TET1: variants seen among roughly 807,000 people sequenced by gnomAD.
The protein encoded by TET1 is methylcytosine dioxygenase TET1.
In TET1, 13 loss-of-function variants were observed where a neutral mutation model predicts 148.7. The ratio of observed to expected loss-of-function variants is 0.09; its 90% confidence interval spans 0.06 to 0.14. The LOEUF (loss-of-function observed/expected upper bound fraction) is 0.14. Among genes scored for constraint, TET1 ranks in the 10% least tolerant of loss-of-function variants. The pLI is 1.00. For synonymous variants in TET1, 907 were observed against 937.2 expected (o/e 0.97, Z 0.59); for missense variants, 2,182 against 2,553.8 (o/e 0.85, Z 3.14).
chr10:68,691,093 A>G lies in TET1; in HGVS notation c.5690A>G (p.Asp1897Gly), dbSNP rs763895885. Residue 1897 changes from aspartate to glycine, a missense_variant, in exon 12 of 12, where the codon GAT (aspartate) becomes GGT (glycine). Physicochemically the swap from Asp to Gly is moderately conservative, Grantham distance 94 (BLOSUM62 -1). Transcript: ENST00000373644. The surrounding 1 kb of genome is among the most constrained non-coding windows in gnomAD (Gnocchi z 4.4). ...RLSGANAAAADGPGISQLGEV... is the reference protein window; with the variant it reads ...RLSGANAAAAGGPGISQLGEV... ...AGTGGTGCCAATGCAGCTGCTGCTG[A>G]TGGCCCTGGCATTTCACAGCTTGGC... 6.2e-7 allele frequency: 1 copy of G among 1,614,180 alleles called. No individual in the cohort carries two copies. The highest frequency in any genetic ancestry group is 2.2e-5 in the East Asian group (1 of 44,880).
chr10:68,573,394 T>C lies in TET1; in HGVS notation c.1056T>C (p.Thr352=), dbSNP rs1391873518. ...ATCATCAAGAGGCCTTCGAAGCTAC[T>C]GCAAATCAACAGGAAGTTTCTGATA... The part of the protein sequence containing the change: ...KPDHQEAFEA[T]ANQQEVSDTT... Residue 352 remains threonine (T), a synonymous_variant, in exon 2 of 12, where the codon ACT becomes ACC. Transcript: ENST00000373644. The C allele has an allele frequency of 1.9e-6, 3 of 1,614,024 alleles. No individual in the cohort carries two copies. The highest frequency in any genetic ancestry group is 1.3e-5 in the African/African-American group (1 of 74,928).
At chr10:68,636,055 T>C (rs2054645867) in intron 3 of TET1, among the ~76,000 whole-genome samples, 2 of 152,160 alleles carry the variant, frequency 1.3e-5, no homozygotes, top group East Asian at 3.9e-4. Flanking sequence ...CAATTATAAT[T>C]TGGTAGAAGT....
intron 10 of TET1, 151 bp downstream of exon 10, chr10:68,683,124 TAA>T (rs1589133685): frequency 2.1e-6 from 2 of 955,490 alleles, no homozygotes; most frequent in South Asian, 1.9e-5. Flanking sequence ...AAAAAAGAAA[TAA>T]GTGTGTAGTG....
At chr10:68,627,795 G>A (rs1420279523) in intron 3 of TET1, among the ~76,000 whole-genome samples, 1 of 151,434 alleles carries the variant, frequency 6.6e-6, no homozygotes, top group Non-Finnish European at 1.5e-5. Context: ...AATTAGCCAG[G>A]CGTGATGGCA....
chr10:68,580,638 CG>C (rs1156869720), intron 2 of TET1, among the ~76,000 whole-genome samples: 2 of 151,046 alleles, frequency 1.3e-5, no homozygotes, highest in East Asian at 3.9e-4. Flanking sequence ...AAAAATTAGC[CG>C]GGTGTGGTGG....
chr10:68,653,042 T>C (rs2054963903), intron 6 of TET1, among the ~76,000 whole-genome samples: 1 of 151,850 alleles, frequency 6.6e-6, no homozygotes, highest in Non-Finnish European at 1.5e-5. Context: ...CAGTTAGATT[T>C]TTTTTTTGAC....
chr10:68,608,004 C>A (rs927620908), intron 3 of TET1, among the ~76,000 whole-genome samples: 25 of 151,474 alleles, frequency 1.7e-4, no homozygotes, highest in African/African-American at 5.8e-4. Flanking sequence ...TCTCGGCTCA[C>A]TGCAGCCTCC....
intron 3 of TET1, among the ~76,000 whole-genome samples, chr10:68,614,282 C>G (rs576434125): frequency 6.6e-6 from 1 of 152,286 alleles, no homozygotes; most frequent in African/African-American, 2.4e-5. Context: ...ACTATAAGGT[C>G]TAACAGCTAA....
intron 3 of TET1, among the ~76,000 whole-genome samples, chr10:68,611,957 C>T (rs996346153): frequency 6.6e-6 from 1 of 151,730 alleles, no homozygotes; most frequent in African/African-American, 2.4e-5. Flanking sequence ...AATATTATTT[C>T]CTCTTGGTAT....
At chr10:68,686,951 A>C (rs1236291568) in intron 11 of TET1, among the ~76,000 whole-genome samples, 5 of 150,058 alleles carry the variant, frequency 3.3e-5, no homozygotes, top group African/African-American at 7.4e-5. Flanking sequence ...GCAGTGGCGC[A>C]ATCTTGGCTC....
intron 2 of TET1, among the ~76,000 whole-genome samples, chr10:68,595,961 TACACACACACAC>T (rs781144879): frequency 5.9e-4 from 22 of 37,224 alleles, no homozygotes; most frequent in South Asian, 2.3e-3. Flanking sequence ...TATATATATA[TACACACACACAC>T]ACACATATAT....
chr10:68,600,582 C>CGTG (rs2054042350), intron 2 of TET1, among the ~76,000 whole-genome samples: 1 of 152,140 alleles, frequency 6.6e-6, no homozygotes, highest in African/African-American at 2.4e-5. Flanking sequence ...AAGGCATGCC[C>CGTG]AGCACGTCTA....
At chr10:68,615,499 C>T (rs1235262690) in intron 3 of TET1, among the ~76,000 whole-genome samples, 1 of 151,756 alleles carries the variant, frequency 6.6e-6, no homozygotes, top group Non-Finnish European at 1.5e-5. Context: ...GCACCCACCA[C>T]TACGCCTGGC....
rs150383341 is a variant in TET1, at chr10:68,686,408, A to G, written c.5105A>G (p.Asp1702Gly). Reference sequence around the variant, plus strand: ...CGCTCTTTGGGTGTTATTCCTCAAGATGAGCAGCTCCATGTGCTACCTCTT... The same window carrying G: ...CGCTCTTTGGGTGTTATTCCTCAAGGTGAGCAGCTCCATGTGCTACCTCTT... Reference protein sequence around the residue: ...DNRSLGVIPQDEQLHVLPLYK... With the variant: ...DNRSLGVIPQGEQLHVLPLYK... Residue 1702 changes from aspartate to glycine, a missense_variant, in exon 11 of 12, where the codon GAT becomes GGT. Around this residue, in one of 11 missense-constraint regions of TET1, gnomAD observed 380 missense variants for 387.9 expected, o/e 0.98. Transcript: ENST00000373644. 1 of 1,613,842 alleles carries G rather than the reference A, an allele frequency of 6.2e-7. No individual in the cohort carries two copies. The highest frequency in any genetic ancestry group is 8.5e-7 in the Non-Finnish European group (1 of 1,179,860).
intron 3 of TET1, among the ~76,000 whole-genome samples, chr10:68,625,144 A>G (rs1013540710): frequency 6.6e-6 from 1 of 151,944 alleles, no homozygotes; most frequent in Non-Finnish European, 1.5e-5. Context: ...GATTTTACTC[A>G]TTTTCACTTA....
chr10:68,573,348 C>T lies in TET1; in HGVS notation c.1010C>T (p.Ala337Val), dbSNP rs755974529. 26 of 1,614,108 alleles carry T rather than the reference C, an allele frequency of 1.6e-5. No individual in the cohort carries two copies. The highest frequency in any genetic ancestry group is 3.3e-4 in the Middle Eastern group (2 of 6,062). Residue 337 changes from alanine to valine, a missense_variant, in exon 2 of 12, where the codon GCG becomes GTG. Transcript: ENST00000373644. ...IKFLLAGSKQ[A>V]TLGAKPDHQE... is the part of the protein sequence containing the mutation. Reference sequence around the variant, plus strand: ...TTCCTCTTGGCAGGCTCAAAACAAGCGACCCTTGGTGCTAAACCAGATCAT... The same window carrying T: ...TTCCTCTTGGCAGGCTCAAAACAAGTGACCCTTGGTGCTAAACCAGATCAT...
At chr10:68,639,416 C>T (rs978088198) in intron 3 of TET1, among the ~76,000 whole-genome samples, 5 of 150,204 alleles carry the variant, frequency 3.3e-5, no homozygotes, top group African/African-American at 9.8e-5. Context: ...AGCAAGACTC[C>T]GTCTCAAAGA....
At position 68,669,561 on chromosome 10, in the gene TET1, A is replaced by G. The variant is rs546187913; in HGVS notation, c.4673+2305A>G. 6.9e-3 allele frequency among the ~76,000 whole-genome samples: 959 copies of G among 138,752 alleles called. 14 individuals are homozygous for G. The highest frequency in any genetic ancestry group is 0.024 in the African/African-American group (866 of 36,462). The allele number at this position is 138,752 out of a possible 152,430, so 91.0% of individuals were successfully genotyped here. A position where few individuals can be genotyped will look rare whatever the true frequency, so the allele number is the denominator to read the frequency against. On this transcript the variant is annotated intron_variant, in intron 7 of 11. Coordinates refer to ENST00000373644, the MANE Select transcript of TET1 (RefSeq NM_030625.3). ...AGTAGAGACGGGGTTTCACCATGTT[A>G]GCCAGGATGGTCTTGATCTCCTGAC...
chr10:68,687,865 C>T (rs2055536408), intron 11 of TET1, among the ~76,000 whole-genome samples: 1 of 152,186 alleles, frequency 6.6e-6, no homozygotes, highest in South Asian at 2.1e-4. Flanking sequence ...CATGAGCCAT[C>T]ACACCTGGCT....
Sources: gnomAD v4.1 joint callset for allele counts (sites outside exome capture counted in the v4.1 genomes callset) on GRCh38, gnomAD v4.1.1 for gene constraint, gnomAD v4.1.1 regional missense constraint, Gnocchi (gnomAD v3.1) non-coding constraint, MANE v1.5 for transcripts, NCBI Gene and HGNC (gene_info 2026-07-23, HGNC 2026-07-21) for gene names.